Variants in SNRNP40 observed in about 807,000 individuals in gnomAD.
SNRNP40 encodes the protein small nuclear ribonucleoprotein U5 subunit 40, also known as U5 small nuclear ribonucleoprotein 40 kDa protein.
In SNRNP40, 21 loss-of-function variants were observed where a neutral mutation model predicts 45.8. The observed-to-expected ratio is 0.46, with a 90% CI of 0.32 to 0.66. The LOEUF (loss-of-function observed/expected upper bound fraction) is 0.66, where lower values mean the gene tolerates loss of function less well. Among genes scored for constraint, SNRNP40 ranks in the 30% least tolerant of loss-of-function variants. The pLI is 0.03. For synonymous variants in SNRNP40, 142 were observed against 163.8 expected (o/e 0.87, Z 1.01); for missense variants, 344 against 439.1 (o/e 0.78, Z 1.94).
chr1:31,292,657 G>C (rs544772335), intron 2 of SNRNP40, among the ~76,000 whole-genome samples: 3 of 152,072 alleles, frequency 2.0e-5, no homozygotes, highest in African/African-American at 7.2e-5. Flanking sequence ...TTTCCTTCTG[G>C]CTTCATTTGC....
chr1:31,267,828 G>A (rs774911987), intron 8 of SNRNP40, 43 bp downstream of exon 8: 47 of 1,507,896 alleles, frequency 3.1e-5, no homozygotes, highest in Admixed American at 5.0e-5. Context: ...CACCGCATCC[G>A]GCCAGCTACA....
At chr1:31,268,927 A>C (rs1645918206) in intron 7 of SNRNP40, among the ~76,000 whole-genome samples, 1 of 152,200 alleles carries the variant, frequency 6.6e-6, no homozygotes, top group South Asian at 2.1e-4. Context: ...GTCAAGTCAG[A>C]TGCCCTCAGT....
Position 31,284,095 on chromosome 1 carries a change from T to C in SNRNP40, c.532-2599A>G, listed in dbSNP as rs190369371. 1.2e-4 allele frequency among the ~76,000 whole-genome samples: 18 copies of C among 152,246 alleles called. No homozygotes were observed. In the East Asian group the frequency reaches 3.3e-3, roughly 28 times the overall value. On this transcript the variant is annotated intron_variant, in intron 4 of 9. Coordinates refer to ENST00000263694, the MANE Select transcript of SNRNP40 (RefSeq NM_004814.3). The stretch of plus-strand genomic sequence containing the variant: ...ACAAAAAGTTGGGTGTGGTGGTATA[T>C]GCCTATAGTCCCAGCTACTTGGGAG...
chr1:31,279,095 G>A (rs1053730980), intron 5 of SNRNP40, among the ~76,000 whole-genome samples: 1 of 150,552 alleles, frequency 6.6e-6, no homozygotes, highest in Non-Finnish European at 1.5e-5. Context: ...AATGGTATGT[G>A]AGGAACTGAA....
chr1:31,272,590 G>T (rs997590571), intron 5 of SNRNP40, among the ~76,000 whole-genome samples: 2 of 152,138 alleles, frequency 1.3e-5, no homozygotes, highest in Non-Finnish European at 2.9e-5. Flanking sequence ...TAAGATTAGG[G>T]ATAACAATAG....
intron 4 of SNRNP40, among the ~76,000 whole-genome samples, chr1:31,287,917 A>T (rs6660323): frequency 0.45 from 69,149 of 152,082 alleles, 19,380 homozygotes; most frequent in Non-Finnish European, 0.63. Flanking sequence ...GAACTGCTTG[A>T]ACCCAGGAGG....
chr1:31,293,137 C>T (rs2148392223), intron 2 of SNRNP40, 82 bp downstream of exon 2: 2 of 1,478,518 alleles, frequency 1.4e-6, no homozygotes, highest in East Asian at 2.3e-5. Context: ...TAGAGTGATA[C>T]CTTCTGTGGC....
intron 7 of SNRNP40, among the ~76,000 whole-genome samples, 200 bp from the exon 8 acceptor site, chr1:31,268,132 C>T (rs1414137999): frequency 6.6e-6 from 1 of 152,082 alleles, no homozygotes; most frequent in African/African-American, 2.4e-5. Flanking sequence ...GTAGAAAATA[C>T]TTAACTTACA....
At chr1:31,283,465 T>TG (rs1299026084) in intron 4 of SNRNP40, among the ~76,000 whole-genome samples, 1 of 152,166 alleles carries the variant, frequency 6.6e-6, no homozygotes, top group Non-Finnish European at 1.5e-5. Flanking sequence ...TAGCTGGTCA[T>TG]GGTGGTGTGC....
intron 4 of SNRNP40, among the ~76,000 whole-genome samples, chr1:31,288,439 G>T (rs1408616130): frequency 1.3e-5 from 2 of 152,120 alleles, no homozygotes; most frequent in East Asian, 3.9e-4. Context: ...CTCCCAGAAT[G>T]TGAGACTGGC....
chr1:31,271,747 G>A (rs1308326949), intron 5 of SNRNP40, among the ~76,000 whole-genome samples: 1 of 151,894 alleles, frequency 6.6e-6, no homozygotes, highest in East Asian at 1.9e-4. Flanking sequence ...GGGCTCAGGT[G>A]ATTCTCCCAT....
chr1:31,282,585 ATC>A (rs1646026022), intron 4 of SNRNP40: 2 of 150,882 alleles, frequency 1.3e-5, no homozygotes, highest in African/African-American at 2.5e-5. Context: ...CTATCTATCT[ATC>A]TATCTATCTA....
At chr1:31,288,473 C>G (rs1365231803) in intron 4 of SNRNP40, among the ~76,000 whole-genome samples, 1 of 152,174 alleles carries the variant, frequency 6.6e-6, no homozygotes, top group Non-Finnish European at 1.5e-5. Context: ...TTGAAGGACA[C>G]ATTAAAATAT....
At chr1:31,290,407 A>T (rs1483932480) in intron 3 of SNRNP40, among the ~76,000 whole-genome samples, 1 of 152,222 alleles carries the variant, frequency 6.6e-6, no homozygotes, top group Non-Finnish European at 1.5e-5. Flanking sequence ...TTTAGAGGTC[A>T]GAAATGTAAA....
At chr1:31,264,930 A>C (rs1362223789) in intron 8 of SNRNP40, among the ~76,000 whole-genome samples, 1 of 152,158 alleles carries the variant, frequency 6.6e-6, no homozygotes. Flanking sequence ...ATGGCTGCCA[A>C]TTAGATGCTA....
rs192617380 is a variant in SNRNP40 at position 31,261,140 on chromosome 1, T to C, written c.1024+389A>G. ...TGGATTACTGGACGTCAGGAGTTCG[T>C]GACCACCCTGACCAATGCGGTGAAA... On this transcript the variant is annotated intron_variant, in intron 9 of 9. Coordinates refer to ENST00000263694, the MANE Select transcript of SNRNP40 (RefSeq NM_004814.3). 1.2e-3 allele frequency: 579 copies of C among 500,040 alleles called. 2 individuals are homozygous for C. Among genetic ancestry groups the C allele is most frequent in the African/African-American group, 4.5e-3 (216 of 48,386 alleles). The allele number at this position is 500,040 out of a possible 1,614,324, so 31.0% of individuals were successfully genotyped here. A position where few individuals can be genotyped will look rare whatever the true frequency, so the allele number is the denominator to read the frequency against.
chr1:31,265,674 A>C (rs1272080401), intron 8 of SNRNP40, among the ~76,000 whole-genome samples: 2 of 152,102 alleles, frequency 1.3e-5, no homozygotes, highest in African/African-American at 2.4e-5. Flanking sequence ...CTCCATCTCT[A>C]CTAAAAATAC....
chr1:31,278,099 T>C (rs7548310), intron 5 of SNRNP40, among the ~76,000 whole-genome samples: 150,324 of 152,370 alleles, frequency 0.99, 74,185 homozygotes, highest in Middle Eastern at 1. Flanking sequence ...ATCCCTAACA[T>C]TTGCTGATTA....
intron 6 of SNRNP40, 49 bp downstream of exon 6, chr1:31,271,330 C>CT (rs1472346475): frequency 6.3e-7 from 1 of 1,582,196 alleles, no homozygotes; most frequent in African/African-American, 1.4e-5. Context: ...TGTGAGCAAT[C>CT]TTTGACTTTT....
Sources: gnomAD v4.1 joint callset for allele counts (sites outside exome capture counted in the v4.1 genomes callset) on GRCh38, gnomAD v4.1.1 for gene constraint, MANE v1.5 for transcripts, NCBI Gene and HGNC (gene_info 2026-07-23, HGNC 2026-07-21) for gene names.